The following FAM171A1 variants were observed in gnomAD, a reference collection of about 807,000 sequenced individuals.
The protein encoded by FAM171A1 is family with sequence similarity 171 member A1, also known as protein FAM171A1.
Under a neutral mutation model 74.9 loss-of-function variants are expected in FAM171A1, and 23 were observed. The ratio of observed to expected loss-of-function variants is 0.31; its 90% CI spans 0.22 to 0.44. The LOEUF (loss-of-function observed/expected upper bound fraction) is 0.44, where lower values mean the gene tolerates loss of function less well. FAM171A1 is among the 20% of genes least tolerant of loss of function. FAM171A1 has a pLI of 1.00. For missense variants in FAM171A1, 1,162 were observed against 1,159.2 expected (o/e 1.00, Z -0.03); for synonymous variants, 527 against 505.7 (o/e 1.04, Z -0.57).
intron 5 of FAM171A1, among the ~76,000 whole-genome samples, chr10:15,234,669 T>C (rs1008424360): frequency 2.0e-5 from 3 of 151,762 alleles, no homozygotes; most frequent in Non-Finnish European, 2.9e-5. Context: ...TTTTTTTTTT[T>C]TGAGACGGAG....
chr10:15,212,845 G>A lies in FAM171A1; in HGVS notation c.*70C>T, dbSNP rs1833908223. ...CTGCCGTTCCGTTTCCTCCACGAACGGGTACGCGCTTCCATGAGAAAGGAT... is the reference window on the plus strand; with the variant it reads ...CTGCCGTTCCGTTTCCTCCACGAACAGGTACGCGCTTCCATGAGAAAGGAT... On this transcript the variant is annotated 3_prime_UTR_variant, in exon 8 of 8. Coordinates refer to ENST00000378116, the MANE Select transcript of FAM171A1 (RefSeq NM_001010924.2). 4 of 1,572,436 alleles carry A rather than the reference G, an allele frequency of 2.5e-6. No homozygotes were observed. The highest frequency in any genetic ancestry group is 1.8e-5 in the Admixed American group (1 of 54,142).
intron 1 of FAM171A1, among the ~76,000 whole-genome samples, chr10:15,365,191 CTA>C (rs1836044121): frequency 6.6e-6 from 1 of 152,180 alleles, no homozygotes; most frequent in Non-Finnish European, 1.5e-5. Flanking sequence ...GTAAATTTAT[CTA>C]TGAGATTCCT....
chr10:15,251,775 C>T (rs2352775), intron 4 of FAM171A1, among the ~76,000 whole-genome samples: 58,088 of 151,910 alleles, frequency 0.38, 11,464 homozygotes, highest in Non-Finnish European at 0.44. Flanking sequence ...TATGAAACTC[C>T]AATTTTACAC....
At chr10:15,270,818 G>C (rs1034865081) in intron 3 of FAM171A1, among the ~76,000 whole-genome samples, 4 of 152,196 alleles carry the variant, frequency 2.6e-5, no homozygotes, top group African/African-American at 9.6e-5. Context: ...TGAGGGTCCT[G>C]ACTGTTAGAA....
At chr10:15,219,570 G>T (rs1834010071) in intron 6 of FAM171A1, among the ~76,000 whole-genome samples, 1 of 152,100 alleles carries the variant, frequency 6.6e-6, no homozygotes, top group South Asian at 2.1e-4. Flanking sequence ...AGCATCAAGG[G>T]AAACACATTA....
chr10:15,308,040 G>C (rs992570548), intron 1 of FAM171A1, among the ~76,000 whole-genome samples: 4 of 151,986 alleles, frequency 2.6e-5, no homozygotes, highest in Admixed American at 6.6e-5. Context: ...TTAACCTCCT[G>C]GCCTCAAGTA....
chr10:15,338,969 C>A (rs1002158852), intron 1 of FAM171A1, among the ~76,000 whole-genome samples: 1 of 152,124 alleles, frequency 6.6e-6, no homozygotes, highest in Non-Finnish European at 1.5e-5. Flanking sequence ...GAACTCCTGA[C>A]CTCAAGTGAT....
At chr10:15,372,048 G>A (rs1456470753), upstream of FAM171A1, among the ~76,000 whole-genome samples, 1 of 152,170 alleles carries the variant, frequency 6.6e-6, no homozygotes, top group Non-Finnish European at 1.5e-5. Context: ...CCCCTGGCAG[G>A]GCTGGGCAGG....
intron 1 of FAM171A1, among the ~76,000 whole-genome samples, chr10:15,351,767 T>C (rs139160393): frequency 0.014 from 2,076 of 152,152 alleles, 200 homozygotes; most frequent in Admixed American, 0.13. Context: ...TAAAAATAAA[T>C]TTAAGGCCAG....
chr10:15,235,519 A>T (rs544896254), intron 5 of FAM171A1, among the ~76,000 whole-genome samples: 171 of 152,160 alleles, frequency 1.1e-3, no homozygotes, highest in Non-Finnish European at 2.1e-3. Flanking sequence ...CTCAAACTGA[A>T]CTGTAAAACT....
intron 5 of FAM171A1, among the ~76,000 whole-genome samples, chr10:15,230,583 C>T (rs1414978652): frequency 6.6e-6 from 1 of 152,198 alleles, no homozygotes; most frequent in Non-Finnish European, 1.5e-5. Flanking sequence ...TCAGCTGCAA[C>T]ACATTCCCTG....
chr10:15,246,245 A>G (rs1443003232), intron 5 of FAM171A1, among the ~76,000 whole-genome samples: 1 of 152,214 alleles, frequency 6.6e-6, no homozygotes, highest in African/African-American at 2.4e-5. Context: ...ATCACAATCC[A>G]CTTAACAATA....
rs113427607 is a variant in FAM171A1, at chr10:15,223,020, A to G, written c.755-1960T>C. ...TTCTACAGGACTATTGTACAAGGGG[A>G]GCGACAACGTAAGATGTTTGACATA... is the stretch of plus-strand genomic sequence containing the variant. On this transcript the variant is annotated intron_variant, in intron 5 of 7. Coordinates refer to ENST00000378116, the MANE Select transcript of FAM171A1 (RefSeq NM_001010924.2). Among the ~76,000 whole-genome samples, 692 of 152,270 alleles carry G rather than the reference A, an allele frequency of 4.5e-3. 4 individuals carry two copies. The highest frequency in any genetic ancestry group is 5.5e-3 in the Non-Finnish European group (376 of 68,018).
intron 5 of FAM171A1, among the ~76,000 whole-genome samples, chr10:15,234,500 T>C (rs138214307): frequency 1.3e-5 from 2 of 152,202 alleles, no homozygotes; most frequent in South Asian, 2.1e-4. Flanking sequence ...CTCGGGAACA[T>C]TGGTTACAGA....
intron 5 of FAM171A1, among the ~76,000 whole-genome samples, chr10:15,228,464 T>G (rs1320531907): frequency 6.6e-6 from 1 of 150,376 alleles, no homozygotes; most frequent in Non-Finnish European, 1.5e-5. Context: ...CACTTCAGCC[T>G]CCTGAGTAGC....
At chr10:15,371,837 A>G (rs1409400521), upstream of FAM171A1, among the ~76,000 whole-genome samples, 4 of 152,216 alleles carry the variant, frequency 2.6e-5, no homozygotes, top group African/African-American at 9.6e-5. Flanking sequence ...AAAGCACAGC[A>G]AAGAAGACCC....
At chr10:15,312,897 G>C (rs925632393) in intron 1 of FAM171A1, among the ~76,000 whole-genome samples, 1 of 151,664 alleles carries the variant, frequency 6.6e-6, no homozygotes, top group Non-Finnish European at 1.5e-5. Flanking sequence ...GTTTCACAAT[G>C]TTGGCCTGGC....
chr10:15,356,197 CATATATATAAATACATACATACATAT>C (rs1380870189), intron 1 of FAM171A1, among the ~76,000 whole-genome samples: 84 of 150,592 alleles, frequency 5.6e-4, no homozygotes, highest in African/African-American at 1.8e-3. Flanking sequence ...AAAATCAATT[CATATATATAAATACATACATACATAT>C]ATATATATAA....
At chr10:15,224,003 C>T (rs766017675) in intron 5 of FAM171A1, among the ~76,000 whole-genome samples, 34 of 152,162 alleles carry the variant, frequency 2.2e-4, no homozygotes, top group Non-Finnish European at 4.4e-4. Context: ...CTAATGAGTC[C>T]CCAAGTTCAC....
Sources: gnomAD v4.1 joint callset for allele counts (sites outside exome capture counted in the v4.1 genomes callset) on GRCh38, gnomAD v4.1.1 for gene constraint, MANE v1.5 for transcripts, NCBI Gene and HGNC (gene_info 2026-07-23, HGNC 2026-07-21) for gene names.